Variants in BDNF observed in about 807,000 individuals in gnomAD.
The protein encoded by BDNF is neurotrophic factor BDNF precursor form.
BDNF carries 1 observed loss-of-function variant against 19.5 expected under a neutral mutation model. That is an observed-to-expected ratio of 0.05 (90% CI 0.02 to 0.24). BDNF has a LOEUF of 0.24. Ranked by LOEUF, BDNF falls within the 10% of genes least tolerant of loss-of-function variation. The pLI, the probability that BDNF is intolerant of heterozygous loss-of-function variation, is 1.00. For missense variants in BDNF, 195 were observed against 317.6 expected (o/e 0.61, Z 2.93); for synonymous variants, 100 against 121.6 (o/e 0.82, Z 1.17).
intron 1 of BDNF, among the ~76,000 whole-genome samples, chr11:27,688,950 T>C (rs926287043): frequency 6.6e-6 from 1 of 152,190 alleles, no homozygotes; most frequent in African/African-American, 2.4e-5. Flanking sequence ...GAACAATACA[T>C]CAAAAGTCAT....
Position 27,658,607 on chromosome 11 carries a change from A to C in BDNF, c.-21-22T>G, listed in dbSNP as rs749807713. On this transcript the variant is annotated intron_variant, in intron 1 of 1. Coordinates refer to ENST00000356660, the MANE Select transcript of BDNF (RefSeq NM_001709.5). The surrounding 1 kb of genome is among the most constrained non-coding windows in gnomAD (Gnocchi z 5.7). The stretch of plus-strand genomic sequence containing the variant: ...GGAACTGTAGGGAGAAAGCAGAAAC[A>C]AGACAGAAAACTGGTTAGGGCTTTC... The C allele has an allele frequency of 1.2e-6, 2 of 1,614,192 alleles. No homozygotes were observed. Among genetic ancestry groups the C allele is most frequent in the Admixed American group, 1.7e-5 (1 of 60,034 alleles).
At chr11:27,712,194 A>G (rs1384437241) in intron 1 of BDNF, among the ~76,000 whole-genome samples, 2 of 152,206 alleles carry the variant, frequency 1.3e-5, no homozygotes, top group East Asian at 3.8e-4. Flanking sequence ...TTCTGAATCT[A>G]TGCTGTGTTA....
At chr11:27,707,275 C>T (rs1374305671) in intron 1 of BDNF, among the ~76,000 whole-genome samples, 1 of 152,174 alleles carries the variant, frequency 6.6e-6, no homozygotes, top group Non-Finnish European at 1.5e-5. Flanking sequence ...ATAAATTCAT[C>T]AAGTATGTCT....
intron 1 of BDNF, among the ~76,000 whole-genome samples, chr11:27,719,070 A>T (rs1487490752): frequency 6.6e-6 from 1 of 152,170 alleles, no homozygotes; most frequent in Admixed American, 6.5e-5. Flanking sequence ...TAAGTCCCTG[A>T]GCTCCCTGAA....
intron 1 of BDNF, among the ~76,000 whole-genome samples, chr11:27,688,231 G>C (rs1332962153): frequency 6.6e-6 from 1 of 152,212 alleles, no homozygotes; most frequent in Non-Finnish European, 1.5e-5. Flanking sequence ...GCCTACTCAA[G>C]CCTCAGTAAT....
intron 1 of BDNF, among the ~76,000 whole-genome samples, chr11:27,719,274 C>G (rs1328507845): frequency 6.6e-6 from 1 of 152,222 alleles, no homozygotes; most frequent in Non-Finnish European, 1.5e-5. Flanking sequence ...AGCGACTAGC[C>G]GGCCGCCCTC....
At chr11:27,671,047 T>C (rs929288614) in intron 1 of BDNF, among the ~76,000 whole-genome samples, 5 of 151,612 alleles carry the variant, frequency 3.3e-5, no homozygotes, top group African/African-American at 1.2e-4. Context: ...CTGAGCAAAC[T>C]ATCGCAAGGA....
At chr11:27,700,883 C>T (rs1859852757), upstream of BDNF, 3 of 1,296,222 alleles carry the variant, frequency 2.3e-6, no homozygotes, top group Non-Finnish European at 3.0e-6. Context: ...AGGTCTCGCT[C>T]CCCTAGCTTT....
chr11:27,716,422 CAG>C (rs201731687), intron 1 of BDNF, among the ~76,000 whole-genome samples: 1 of 135,716 alleles, frequency 7.4e-6, no homozygotes, highest in Non-Finnish European at 1.6e-5. Flanking sequence ...AAAACACACA[CAG>C]AGACACACAC....
chr11:27,705,572 A>G (rs1860077102), intron 1 of BDNF, among the ~76,000 whole-genome samples: 1 of 152,254 alleles, frequency 6.6e-6, no homozygotes, highest in Non-Finnish European at 1.5e-5. Flanking sequence ...TGATTCTGAT[A>G]CATGAATCTA....
intron 1 of BDNF, among the ~76,000 whole-genome samples, chr11:27,678,437 A>T (rs1204851616): frequency 6.6e-6 from 1 of 152,248 alleles, no homozygotes; most frequent in African/African-American, 2.4e-5. Context: ...AGACATCAAG[A>T]GCGGGCTGAC....
At position 27,658,749 on chromosome 11, in the gene BDNF, G is replaced by C; in HGVS notation, c.-21-164C>G. 2 of 1,517,600 alleles carry C rather than the reference G, an allele frequency of 1.3e-6. No homozygotes were observed. Among genetic ancestry groups the C allele is most frequent in the Admixed American group, 4.2e-5 (2 of 47,172 alleles). 94.0% of individuals were successfully genotyped at this position (1,517,600 alleles called of 1,614,324 possible). On this transcript the variant is annotated intron_variant, in intron 1 of 1. Transcript: ENST00000356660. This position sits in a 1 kb window ranked among gnomAD's most constrained non-coding sequence, Gnocchi z 5.7. ...CTGCACCAGACACAAATCAGTGTCA[G>C]TAGTGTGCTGTATGTGGTTTAATAT...
chr11:27,692,749 G>A (rs1028551274), intron 1 of BDNF, among the ~76,000 whole-genome samples: 2 of 152,268 alleles, frequency 1.3e-5, no homozygotes, highest in East Asian at 3.9e-4. Context: ...ACCATGTAGA[G>A]TATCTAAATT....
chr11:27,702,898 C>T (rs1295421686), upstream of BDNF, among the ~76,000 whole-genome samples: 2 of 152,168 alleles, frequency 1.3e-5, no homozygotes, highest in Non-Finnish European at 2.9e-5. Context: ...TTCCATCTCC[C>T]CCACCCCCTA....
upstream of BDNF, chr11:27,700,519 C>CGG: frequency 2.6e-6 from 2 of 759,748 alleles, no homozygotes; most frequent in Non-Finnish European, 2.9e-6. Flanking sequence ...CAAACGGCGC[C>CGG]GCCCCCCCCC....
chr11:27,674,475 C>T (rs1453714066), intron 1 of BDNF: 14 of 1,406,002 alleles, frequency 1.0e-5, no homozygotes, highest in South Asian at 1.7e-5. Context: ...TTCAACAGCA[C>T]GAGTAAGGCA....
rs1205333635 is a variant in BDNF, at chr11:27,657,375, C to CAGAT, written c.*442_*445dup. 1.0e-6 allele frequency: 1 copy of CAGAT among 1,003,944 alleles called. No individual in the cohort carries two copies. Among genetic ancestry groups the CAGAT allele is most frequent in the Non-Finnish European group, 1.2e-6 (1 of 840,786 alleles). The allele number at this position is 1,003,944 out of a possible 1,614,324, so 62.2% of individuals were successfully genotyped here. ...CTATCAGAAGTTAAAAGCAGTAAAACAGATATAGTACTAACAAGAACGAAG... is the reference window on the plus strand; with the variant it reads ...CTATCAGAAGTTAAAAGCAGTAAAACAGATAGATATAGTACTAACAAGAACGAAG... On this transcript the variant is annotated 3_prime_UTR_variant, in exon 2 of 2. Coordinates refer to ENST00000356660, the MANE Select transcript of BDNF (RefSeq NM_001709.5). The surrounding 1 kb of genome is among the most constrained non-coding windows in gnomAD (Gnocchi z 5.0).
chr11:27,658,314 T>C lies in BDNF; in HGVS notation c.251A>G (p.Asn84Ser). The part of the protein sequence containing the change: ...DQKVRPNEEN[N>S]KDADLYTSRV... ...GGACGTGTACAAGTCTGCGTCCTTA[T>C]TGTTTTCTTCATTGGGCCGAACTTT... The change falls in exon 2 of 2, where the codon AAT becomes AGT. Residue 84 changes from asparagine (N) to serine (S), a missense_variant. By Grantham distance (46) the Asn-to-Ser change is conservative (BLOSUM62 1). Coordinates refer to ENST00000356660, the MANE Select transcript of BDNF (RefSeq NM_001709.5). This position sits in a 1 kb window ranked among gnomAD's most constrained non-coding sequence, Gnocchi z 5.7. 2 of 1,614,192 alleles carry C rather than the reference T, an allele frequency of 1.2e-6. No homozygotes were observed. Among genetic ancestry groups the C allele is most frequent in the East Asian group, 2.2e-5 (1 of 44,882 alleles).
intron 1 of BDNF, among the ~76,000 whole-genome samples, chr11:27,666,209 G>C (rs548530046): frequency 3.9e-5 from 6 of 152,212 alleles, no homozygotes; most frequent in Non-Finnish European, 7.3e-5. Flanking sequence ...TGAGGGTCCT[G>C]ACTGTTAGAA....
Sources: gnomAD v4.1 joint callset for allele counts (sites outside exome capture counted in the v4.1 genomes callset) on GRCh38, gnomAD v4.1.1 for gene constraint, Gnocchi (gnomAD v3.1) non-coding constraint, MANE v1.5 for transcripts, NCBI Gene and HGNC (gene_info 2026-07-23, HGNC 2026-07-21) for gene names.